The following PATJ variants were observed in gnomAD, a reference collection of about 807,000 sequenced individuals.
The protein encoded by PATJ is inaD-like protein.
Under a neutral mutation model 224.9 loss-of-function variants are expected in PATJ, and 190 were observed. The observed-to-expected ratio is 0.84, with a 90% CI of 0.75 to 0.95. The LOEUF (loss-of-function observed/expected upper bound fraction) is 0.95, where lower values mean the gene tolerates loss of function less well. Among genes scored for constraint, PATJ ranks in the 40% least tolerant of loss-of-function variants. PATJ has a pLI of 0.00. For missense variants in PATJ, 2,121 were observed against 2,270.3 expected, an observed-to-expected ratio of 0.93 and a Z score of 1.34; for synonymous variants, 769 against 820.3, an observed-to-expected ratio of 0.94 and a Z score of 1.07.
chr1:62,110,979 G>A (rs907651196), intron 34 of PATJ, among the ~76,000 whole-genome samples: 1 of 152,154 alleles, frequency 6.6e-6, no homozygotes, highest in African/African-American at 2.4e-5. Flanking sequence ...GCCACGCCAT[G>A]ATATTTCTCT....
chr1:61,990,279 G>T lies in PATJ; in HGVS notation c.3782G>T (p.Arg1261Leu). The part of the protein sequence containing the change: ...LSLAGNKDRS[R>L]MSIFVVGINP... ...CTTGCTGGTAATAAAGACCGATCAC[G>T]CATGAGCATATTTGTGGTGGGAATT... The change falls in exon 28 of 44, where the codon CGC becomes CTC. Residue 1261 changes from arginine (R) to leucine (L), a missense_variant. Coordinates refer to ENST00000642238, the MANE Select transcript of PATJ (RefSeq NM_001350145.3). 3.1e-6 allele frequency: 5 copies of T among 1,613,952 alleles called. No homozygotes were observed. Among genetic ancestry groups the T allele is most frequent in the Non-Finnish European group, 4.2e-6 (5 of 1,179,912 alleles).
Position 61,793,997 on chromosome 1 carries a change from G to T in PATJ, c.1169-1470G>T, listed in dbSNP as rs1360574557. On this transcript the variant is annotated intron_variant, in intron 9 of 43. Transcript: ENST00000642238. ...GGCTCACTGCAACCTCCATCTCCCA[G>T]GTTCAAGCGATTCTCCTGCCTCAGC... 1.7e-3 allele frequency among the ~76,000 whole-genome samples: 254 copies of T among 150,326 alleles called. 2 individuals are homozygous for T. The highest frequency in any genetic ancestry group is 5.8e-3 in the African/African-American group (238 of 41,020).
At chr1:61,972,004 A>G (rs750700661) in intron 27 of PATJ, among the ~76,000 whole-genome samples, 59 of 151,936 alleles carry the variant, frequency 3.9e-4, no homozygotes, top group African/African-American at 5.3e-4. Flanking sequence ...AAATAAATAA[A>G]TAAGTCTGAG....
intron 1 of PATJ, among the ~76,000 whole-genome samples, chr1:61,760,631 T>G (rs1260476038): frequency 3.3e-5 from 5 of 151,332 alleles, no homozygotes; most frequent in Non-Finnish European, 7.4e-5. Flanking sequence ...TTTTTTTTTT[T>G]TTTGAGACAG....
chr1:61,908,274 G>A (rs1016379633), intron 24 of PATJ, 98 bp from the exon 25 acceptor site: 2 of 781,406 alleles, frequency 2.6e-6, no homozygotes, highest in African/African-American at 3.5e-5. Flanking sequence ...TTAGACTCTG[G>A]TTGTTCTTAT....
intron 33 of PATJ, among the ~76,000 whole-genome samples, chr1:62,101,155 T>C (rs1480948959): frequency 6.6e-6 from 1 of 152,144 alleles, no homozygotes; most frequent in Non-Finnish European, 1.5e-5. Context: ...TACTTATCAG[T>C]GAATACTATT....
chr1:61,906,432 A>C (rs1671867605), intron 24 of PATJ, among the ~76,000 whole-genome samples: 1 of 152,186 alleles, frequency 6.6e-6, no homozygotes, highest in Admixed American at 6.5e-5. Context: ...ATCTACCCCA[A>C]GCCACCTCAG....
chr1:61,959,434 C>A (rs751815783), intron 27 of PATJ, among the ~76,000 whole-genome samples: 53,385 of 115,452 alleles, frequency 0.46, 11,468 homozygotes, highest in East Asian at 0.78. Context: ...TATTTTTTTT[C>A]TTTTCTTTTT....
chr1:61,938,226 A>G (rs1297406882), intron 27 of PATJ, among the ~76,000 whole-genome samples: 1 of 152,198 alleles, frequency 6.6e-6, no homozygotes, highest in African/African-American at 2.4e-5. Flanking sequence ...CCCTGGTCTA[A>G]GTGGATGGGG....
intron 3 of PATJ, among the ~76,000 whole-genome samples, chr1:61,764,158 GAA>G (rs1381192076): frequency 6.6e-6 from 1 of 151,954 alleles, no homozygotes; most frequent in Non-Finnish European, 1.5e-5. Flanking sequence ...TCGCCCGGCC[GAA>G]GTCTTTTATC....
intron 30 of PATJ, 68 bp downstream of exon 30, chr1:62,038,117 G>A: frequency 1.0e-6 from 1 of 980,402 alleles, no homozygotes; most frequent in Non-Finnish European, 1.5e-6. Context: ...CCCCCAATCT[G>A]ACATTTTTGA....
At chr1:62,107,801 C>T (rs1328370187) in intron 33 of PATJ, among the ~76,000 whole-genome samples, 1 of 152,108 alleles carries the variant, frequency 6.6e-6, no homozygotes, top group African/African-American at 2.4e-5. Context: ...ACACTTTTCC[C>T]AACCAAAGCT....
At chr1:62,104,706 T>C (rs1284910287) in intron 33 of PATJ, among the ~76,000 whole-genome samples, 1 of 152,192 alleles carries the variant, frequency 6.6e-6, no homozygotes, top group African/African-American at 2.4e-5. Flanking sequence ...AGAGTCTCAT[T>C]CTGTCTTGCC....
rs145837024 is a variant in PATJ at position 62,086,228 on chromosome 1, A to ATGTGTGTGTGTG, written c.4377+1584_4377+1595dup. Among the ~76,000 whole-genome samples the ATGTGTGTGTGTG allele has an allele frequency of 2.7e-5, 4 of 150,334 alleles. No homozygotes were observed. In the East Asian group the frequency reaches 5.8e-4, roughly 22 times the overall value. ...TACTCAAGATGTGATTAATTAATGC[A>ATGTGTGTGTGTG]TGTGTGTGTGTGTGTATGTGTGTGT... On this transcript the variant is annotated intron_variant, in intron 33 of 43. Transcript: ENST00000642238. This position sits in a 1 kb window ranked among gnomAD's most constrained non-coding sequence, Gnocchi z 4.0.
intron 9 of PATJ, among the ~76,000 whole-genome samples, chr1:61,792,752 A>T (rs1570522721): frequency 2.0e-5 from 3 of 151,130 alleles, no homozygotes; most frequent in Non-Finnish European, 4.4e-5. Flanking sequence ...GTGGTCTCAA[A>T]CTCCTGACCT....
chr1:61,744,443 C>T (rs1644922659), intron 1 of PATJ, among the ~76,000 whole-genome samples: 1 of 152,100 alleles, frequency 6.6e-6, no homozygotes, highest in South Asian at 2.1e-4. Context: ...CTCCCTCAGG[C>T]TCTCTAGTTT....
At chr1:62,048,266 G>T (rs113494850) in intron 30 of PATJ, among the ~76,000 whole-genome samples, 27,776 of 152,050 alleles carry the variant, frequency 0.18, 3,070 homozygotes, top group Non-Finnish European at 0.26. Context: ...GAAAGAAAAG[G>T]CCGGGCGTGG....
chr1:61,818,186 G>T (rs1656541083), intron 14 of PATJ, among the ~76,000 whole-genome samples: 1 of 152,210 alleles, frequency 6.6e-6, no homozygotes, highest in Non-Finnish European at 1.5e-5. Flanking sequence ...AAGCCTTCTT[G>T]ATCTCATTTG....
chr1:61,936,642 G>T (rs1432616740), intron 27 of PATJ, among the ~76,000 whole-genome samples: 1 of 151,976 alleles, frequency 6.6e-6, no homozygotes, highest in East Asian at 1.9e-4. Context: ...CGTGATCTCG[G>T]CTCACTGTAA....
Sources: allele counts gnomAD v4.1 joint callset (sites outside exome capture counted in the v4.1 genomes callset), GRCh38; gene constraint gnomAD v4.1.1; non-coding constraint Gnocchi (gnomAD v3.1); transcripts MANE v1.5; gene names NCBI Gene and HGNC (gene_info 2026-07-23, HGNC 2026-07-21).